NCLN: variants seen among roughly 807,000 people sequenced by gnomAD.
NCLN encodes BOS complex subunit NCLN.
Under a neutral mutation model 69.5 loss-of-function variants are expected in NCLN, and 34 were observed. That is an observed-to-expected ratio of 0.49 (90% CI 0.37 to 0.65). NCLN has a LOEUF of 0.65. NCLN is among the 30% of genes least tolerant of loss of function. The pLI is 0.00. For synonymous variants in NCLN, 393 were observed against 358.3 expected (o/e 1.10, Z -1.09); for missense variants, 710 against 804.8 (o/e 0.88, Z 1.42).
rs1332625348 is a variant in NCLN at position 3,198,885 on chromosome 19, T to C, written c.684T>C (p.Phe228=). The change falls in exon 5 of 15, where the codon TTT becomes TTC. Residue 228 remains phenylalanine, a synonymous_variant. Coordinates refer to ENST00000246117, the MANE Select transcript of NCLN (RefSeq NM_020170.4). ...TIVIVAHYDA[F]GVAPWLSLGA... ...TCATCGTGGCCCACTACGACGCCTT[T>C]GGAGTGGCCCCCGTACGTATGTGTG... is the stretch of plus-strand genomic sequence containing the variant. The C allele has an allele frequency of 3.3e-6, 5 of 1,537,738 alleles. No homozygotes were observed. In the African/African-American group the frequency reaches 7.1e-5, roughly 22 times the overall value.
chr19:3,197,155 G>C (rs549611364), intron 4 of NCLN, among the ~76,000 whole-genome samples: 10 of 152,320 alleles, frequency 6.6e-5, no homozygotes, highest in African/African-American at 2.2e-4. Context: ...TATTCCCAGC[G>C]CCAGTTAGTG....
chr19:3,194,743 T>G (rs1487883326), intron 3 of NCLN, among the ~76,000 whole-genome samples: 1 of 116,660 alleles, frequency 8.6e-6, no homozygotes, highest in Non-Finnish European at 1.7e-5. Context: ...GGAGTCGTCT[T>G]CTTTTTTTTT....
Position 3,205,945 on chromosome 19 carries a change from G to A in NCLN, c.1215G>A (p.Arg405=), listed in dbSNP as rs201016851. The change falls in exon 10 of 15, where the codon CGG becomes CGA. Residue 405 remains arginine (R), a synonymous_variant. Transcript: ENST00000246117. The surrounding 1 kb of genome is among the most constrained non-coding windows in gnomAD (Gnocchi z 4.6). The stretch of plus-strand genomic sequence containing the variant: ...TTGTTTTTGAATCGTGAAGGTCCCG[G>A]GTGGATTCTAAGACCCTGACCCGTA... ...QRSSIMDVRS[R]VDSKTLTRNT... is the part of the protein sequence containing the mutation. 1.9e-6 allele frequency: 3 copies of A among 1,613,716 alleles called. No homozygotes were observed. The highest frequency in any genetic ancestry group is 2.5e-6 in the Non-Finnish European group (3 of 1,179,954).
chr19:3,202,510 C>T (rs756103348), intron 6 of NCLN, among the ~76,000 whole-genome samples: 23 of 152,316 alleles, frequency 1.5e-4, no homozygotes, highest in Admixed American at 4.6e-4. Flanking sequence ...GGTGAGACCC[C>T]GGCCCAGTCA....
intron 5 of NCLN, among the ~76,000 whole-genome samples, chr19:3,201,291 C>A (rs1010974989): frequency 6.6e-6 from 1 of 152,172 alleles, no homozygotes; most frequent in Non-Finnish European, 1.5e-5. Flanking sequence ...GACCCCAGGC[C>A]ATCAGTCGGG....
intron 1 of NCLN, among the ~76,000 whole-genome samples, chr19:3,186,896 C>G (rs760915916): frequency 8.5e-5 from 13 of 152,054 alleles, no homozygotes; most frequent in Non-Finnish European, 1.8e-4. Context: ...GTCACCGGCC[C>G]CCACGTCAAG....
intron 5 of NCLN, among the ~76,000 whole-genome samples, chr19:3,200,095 C>T (rs1458893749): frequency 6.6e-6 from 1 of 151,974 alleles, no homozygotes; most frequent in East Asian, 1.9e-4. Flanking sequence ...CTTGGAGGGC[C>T]AGGCCCCCAG....
intron 2 of NCLN, among the ~76,000 whole-genome samples, chr19:3,193,045 A>G (rs1225683123): frequency 1.9e-5 from 2 of 107,982 alleles, no homozygotes; most frequent in African/African-American, 7.2e-5. Context: ...ATACTTTTGC[A>G]GATGAGAAGG....
chr19:3,206,341 A>G lies in NCLN; in HGVS notation c.1415A>G (p.Asp472Gly), dbSNP rs1324489960. Reference sequence around the variant, plus strand: ...CGGGCCGCGCAGCTGGTGGACAAGGACAGCACCTTCCTCAGCACGCTGGAG... The same window carrying G: ...CGGGCCGCGCAGCTGGTGGACAAGGGCAGCACCTTCCTCAGCACGCTGGAG... Reference protein sequence around the residue: ...QPRAAQLVDKDSTFLSTLEHH... With the variant: ...QPRAAQLVDKGSTFLSTLEHH... Residue 472 changes from aspartate (D) to glycine (G), a missense_variant, in exon 12 of 15, where the codon GAC becomes GGC. Transcript: ENST00000246117. 3.2e-6 allele frequency: 5 copies of G among 1,548,248 alleles called. No individual in the cohort carries two copies. The highest frequency in any genetic ancestry group is 4.4e-6 in the Non-Finnish European group (5 of 1,146,938).
chr19:3,207,899 T>G lies in NCLN; in HGVS notation c.*211T>G. On this transcript the variant is annotated 3_prime_UTR_variant, in exon 15 of 15. Coordinates refer to ENST00000246117, the MANE Select transcript of NCLN (RefSeq NM_020170.4). ...TTTCTTCTTTTCCTTGTCTTTGAAC[T>G]TCCTTGGAGGAGAGCTTGGGAGACG... 3.5e-6 allele frequency: 2 copies of G among 565,344 alleles called. No individual in the cohort carries two copies. The highest frequency in any genetic ancestry group is 6.3e-6 in the Non-Finnish European group (2 of 315,848). 35.0% of individuals were successfully genotyped at this position (565,344 alleles called of 1,614,324 possible).
chr19:3,194,815 A>G (rs772429163), intron 3 of NCLN, among the ~76,000 whole-genome samples: 2 of 150,964 alleles, frequency 1.3e-5, no homozygotes, highest in Non-Finnish European at 2.9e-5. Flanking sequence ...CAGTGGCACA[A>G]TCTTAGCTCA....
At chr19:3,186,271 G>C in intron 1 of NCLN, 57 bp downstream of exon 1, 1 of 1,398,360 alleles carries the variant, frequency 7.2e-7, no homozygotes. Context: ...ACGCCACTCC[G>C]GCCCGGCGAT....
Position 3,201,618 on chromosome 19 carries a change from G to C in NCLN, c.792G>C (p.Thr264=). 1 of 1,518,308 alleles carries C rather than the reference G, an allele frequency of 6.6e-7. No homozygotes were observed. The highest frequency in any genetic ancestry group is 8.8e-7 in the Non-Finnish European group (1 of 1,134,508). The allele number at this position is 1,518,308 out of a possible 1,614,324, so 94.1% of individuals were successfully genotyped here. The change falls in exon 6 of 15, where the codon ACG becomes ACC. Residue 264 remains threonine (T), a synonymous_variant. Transcript: ENST00000246117. ...LFSRLYTYKR[T]HAAYNLLFFA... ...CCCGGCTCTACACCTACAAGCGCAC[G>C]CACGCCGCGTGAGTGCCGGGGTGGG...
chr19:3,193,463 C>T (rs760766405), intron 3 of NCLN, 35 bp downstream of exon 3: 15 of 1,561,008 alleles, frequency 9.6e-6, no homozygotes, highest in African/African-American at 6.8e-5. Context: ...GGCCCGTGGG[C>T]GTGGGTGTGG....
At chr19:3,204,532 C>T (rs773627503) in intron 8 of NCLN, 41 bp from the exon 9 acceptor site, 185 of 1,488,658 alleles carry the variant, frequency 1.2e-4, no homozygotes, top group Non-Finnish European at 1.6e-4. Flanking sequence ...GGGTGGCCGC[C>T]ATCCCCGCCT....
At position 3,198,905 on chromosome 19, in the gene NCLN, T is replaced by C. The variant is rs765873051; in HGVS notation, c.696+8T>C. The C allele has an allele frequency of 1.4e-6, 2 of 1,460,456 alleles. No individual in the cohort carries two copies. The highest frequency in any genetic ancestry group is 2.4e-5 in the Admixed American group (1 of 41,870). 90.5% of individuals were successfully genotyped at this position (1,460,456 alleles called of 1,614,324 possible). A position where few individuals can be genotyped will look rare whatever the true frequency, so the allele number is the denominator to read the frequency against. On this transcript the variant is annotated splice_region_variant and intron_variant, in intron 5 of 14. Coordinates refer to ENST00000246117, the MANE Select transcript of NCLN (RefSeq NM_020170.4). ...GCCTTTGGAGTGGCCCCCGTACGTA[T>C]GTGTGTCCCCATTCCCCCCACCCCA...
rs367933938 is a variant in NCLN at position 3,207,246 on chromosome 19, G to A, written c.1548G>A (p.Ala516=). The A allele has an allele frequency of 5.0e-5, 80 of 1,613,622 alleles. No homozygotes were observed. The highest frequency in any genetic ancestry group is 6.5e-5 in the Non-Finnish European group (77 of 1,180,028). The change falls in exon 13 of 15, where the codon GCG becomes GCA. Residue 516 remains alanine (A), a synonymous_variant. Transcript: ENST00000246117. ...FYDQLKQVMN[A]YRVKPAVFDL... ...ACCAGCTGAAGCAAGTGATGAATGC[G>A]TACAGGTGAGTGGTGGCCAGCGGGA... is the stretch of plus-strand genomic sequence containing the variant.
chr19:3,204,950 G>A (rs1916228002), intron 9 of NCLN, among the ~76,000 whole-genome samples, 199 bp downstream of exon 9: 3 of 152,194 alleles, frequency 2.0e-5, no homozygotes, highest in South Asian at 2.1e-4. Flanking sequence ...TAGGGAGGGC[G>A]AGGCCAGCAG....
At chr19:3,192,284 G>T (rs1599349735) in intron 1 of NCLN, among the ~76,000 whole-genome samples, 186 bp from the exon 2 acceptor site, 1 of 127,018 alleles carries the variant, frequency 7.9e-6, no homozygotes, top group South Asian at 2.8e-4. Context: ...CGCGTTCATG[G>T]CCCCTGTGAC....
Sources: gnomAD v4.1 joint callset for allele counts (sites outside exome capture counted in the v4.1 genomes callset) on GRCh38, gnomAD v4.1.1 for gene constraint, Gnocchi (gnomAD v3.1) non-coding constraint, MANE v1.5 for transcripts, NCBI Gene and HGNC (gene_info 2026-07-23, HGNC 2026-07-21) for gene names.